CD80: variants seen among roughly 807,000 people sequenced by gnomAD.
CD80 encodes CD80 molecule.
In CD80, 13 loss-of-function variants were observed where a neutral mutation model predicts 27.1. The observed-to-expected ratio is 0.48, with a 90% CI of 0.31 to 0.76. The LOEUF (loss-of-function observed/expected upper bound fraction) is 0.76. Among genes scored for constraint, CD80 ranks in the 30% least tolerant of loss-of-function variants. CD80 has a pLI of 0.04. For missense variants in CD80, 277 were observed against 347.9 expected, an observed-to-expected ratio of 0.80 and a Z score of 1.62; for synonymous variants, 125 against 125.5, an observed-to-expected ratio of 1.00 and a Z score of 0.03.
At chr3:119,552,859 C>A (rs555119321) in intron 2 of CD80, among the ~76,000 whole-genome samples, 1 of 152,000 alleles carries the variant, frequency 6.6e-6, no homozygotes, top group Admixed American at 6.6e-5. Flanking sequence ...TCTTTCTTAC[C>A]TGGATTCTGG....
intron 2 of CD80, among the ~76,000 whole-genome samples, chr3:119,556,478 A>G (rs2082265443): frequency 6.6e-6 from 1 of 151,860 alleles, no homozygotes; most frequent in South Asian, 2.1e-4. Context: ...CCCAGAAGGA[A>G]ATTGTAACTG....
At chr3:119,537,110 G>C (rs552044269) in intron 4 of CD80, 27 bp downstream of exon 4, 2 of 1,594,966 alleles carry the variant, frequency 1.3e-6, no homozygotes, top group African/African-American at 2.7e-5. Context: ...CGATATAGTA[G>C]AAACTCCCCA....
chr3:119,530,054 T>C (rs767471221), intron 4 of CD80, 117 bp from the exon 5 acceptor site: 37 of 659,748 alleles, frequency 5.6e-5, no homozygotes, highest in Non-Finnish European at 9.2e-5. Context: ...AGCTCTCCAG[T>C]ATGCAGCTGC....
At chr3:119,526,556 G>A (rs1030741577) in intron 6 of CD80, among the ~76,000 whole-genome samples, 2 of 152,080 alleles carry the variant, frequency 1.3e-5, no homozygotes, top group East Asian at 1.9e-4. Flanking sequence ...GCCTGAACTT[G>A]ATGTCCAGTT....
chr3:119,529,836 A>G lies in CD80; in HGVS notation c.796+6T>C. On this transcript the variant is annotated splice_donor_region_variant and intron_variant, in intron 5 of 6. Coordinates refer to ENST00000264246, the MANE Select transcript of CD80 (RefSeq NM_005191.4). ...GAGATCAGGATGATGGTATGATAGT[A>G]CTTACAGTAGGTCAGGCAGCATATC... 1 of 1,561,752 alleles carries G rather than the reference A, an allele frequency of 6.4e-7. No homozygotes were observed. The highest frequency in any genetic ancestry group is 1.1e-5 in the South Asian group (1 of 90,002).
rs1030797882 is a variant in CD80 at position 119,527,435 on chromosome 3, G to A, written c.*38+298C>T. 8 of 288,130 alleles carry A rather than the reference G, an allele frequency of 2.8e-5. No individual in the cohort carries two copies. In the Admixed American group the frequency reaches 2.9e-4, roughly 10 times the overall value. 17.8% of individuals were successfully genotyped at this position (288,130 alleles called of 1,614,324 possible). A position where few individuals can be genotyped will look rare whatever the true frequency, so the allele number is the denominator to read the frequency against. On this transcript the variant is annotated intron_variant, in intron 6 of 6. Transcript: ENST00000264246. The stretch of plus-strand genomic sequence containing the variant: ...AGGGAAAAATGAATGATCAGAATAA[G>A]AAGTTACCACAGGAATATTCAAGAT...
At chr3:119,558,552 C>T (rs936171745) in intron 1 of CD80, among the ~76,000 whole-genome samples, 6 of 152,102 alleles carry the variant, frequency 3.9e-5, no homozygotes, top group Non-Finnish European at 7.4e-5. Context: ...TACTTGAGGC[C>T]AGGAGTTCCA....
Position 119,554,855 on chromosome 3 carries a change from A to G in CD80, c.100+2774T>C, listed in dbSNP as rs114854923. Among the ~76,000 whole-genome samples the G allele has an allele frequency of 3.9e-3, 598 of 152,332 alleles. 2 individuals are homozygous for G. Among genetic ancestry groups the G allele is most frequent in the African/African-American group, 0.013 (559 of 41,574 alleles). On this transcript the variant is annotated intron_variant, in intron 2 of 6. Transcript: ENST00000264246. ...CCTTCTGATCCAATTCTTTTCATTA[A>G]AGACATCATCAGTTACTGTAAGTTA... is the stretch of plus-strand genomic sequence containing the variant.
intron 2 of CD80, among the ~76,000 whole-genome samples, chr3:119,556,139 G>A (rs2082263778): frequency 6.6e-6 from 1 of 152,122 alleles, no homozygotes; most frequent in African/African-American, 2.4e-5. Context: ...GGCCCACCTG[G>A]CACACAGTAG....
At chr3:119,525,852 T>TTA (rs989805378) in intron 6 of CD80, 103 bp from the exon 7 acceptor site, 1 of 146,626 alleles carries the variant, frequency 6.8e-6, no homozygotes, top group Non-Finnish European at 1.5e-5. Flanking sequence ...AATTTTTAAA[T>TTA]TATATATGTA....
chr3:119,545,363 C>G (rs1360371468), intron 2 of CD80, among the ~76,000 whole-genome samples: 1 of 151,620 alleles, frequency 6.6e-6, no homozygotes, highest in Non-Finnish European at 1.5e-5. Flanking sequence ...CAAACAAACA[C>G]ATAACATAAA....
intron 3 of CD80, among the ~76,000 whole-genome samples, chr3:119,542,648 C>T (rs1175314942): frequency 6.6e-6 from 1 of 152,150 alleles, no homozygotes; most frequent in Non-Finnish European, 1.5e-5. Flanking sequence ...TTAACTGACT[C>T]CATCTTGCTT....
intron 2 of CD80, among the ~76,000 whole-genome samples, chr3:119,554,488 T>C (rs867032719): frequency 6.6e-6 from 1 of 152,160 alleles, no homozygotes; most frequent in Non-Finnish European, 1.5e-5. Flanking sequence ...TGCCACCAGT[T>C]GCTGGACTAT....
At chr3:119,549,037 A>AAAATAAATAAAT (rs112914312) in intron 2 of CD80, among the ~76,000 whole-genome samples, 3 of 151,606 alleles carry the variant, frequency 2.0e-5, no homozygotes, top group African/African-American at 7.3e-5. Flanking sequence ...ACTCCGTCTC[A>AAAATAAATAAAT]AAATAAATAA....
At chr3:119,525,947 TAATCTC>T (rs2082063842) in intron 6 of CD80, among the ~76,000 whole-genome samples, 198 bp from the exon 7 acceptor site, 1 of 150,996 alleles carries the variant, frequency 6.6e-6, no homozygotes, top group Admixed American at 6.6e-5. Context: ...ATTTACATTT[TAATCTC>T]AAGATCAAGG....
intron 3 of CD80, among the ~76,000 whole-genome samples, chr3:119,540,851 C>G (rs982397829): frequency 6.6e-6 from 1 of 152,032 alleles, no homozygotes; most frequent in Non-Finnish European, 1.5e-5. Flanking sequence ...GAGTTTGAGA[C>G]CACCCTGGAC....
chr3:119,538,587 T>G (rs186351951), intron 3 of CD80, among the ~76,000 whole-genome samples: 1 of 152,346 alleles, frequency 6.6e-6, no homozygotes, highest in Admixed American at 6.5e-5. Context: ...ACCCCTTTGC[T>G]CTTGAGAATG....
At chr3:119,554,814 T>C (rs757938760) in intron 2 of CD80, among the ~76,000 whole-genome samples, 1 of 152,222 alleles carries the variant, frequency 6.6e-6, no homozygotes, top group Non-Finnish European at 1.5e-5. Context: ...GTACACACTC[T>C]CCAACCCATC....
intron 5 of CD80, 63 bp downstream of exon 5, chr3:119,529,779 A>C: frequency 1.8e-6 from 2 of 1,121,032 alleles, no homozygotes; most frequent in Non-Finnish European, 2.7e-6. Flanking sequence ...GAGATGCCGA[A>C]CCATGGTAAT....
Sources: allele counts gnomAD v4.1 joint callset (sites outside exome capture counted in the v4.1 genomes callset), GRCh38; gene constraint gnomAD v4.1.1; transcripts MANE v1.5; gene names NCBI Gene and HGNC (gene_info 2026-07-23, HGNC 2026-07-21).